The following GID4 variants were observed in gnomAD, a reference collection of about 807,000 sequenced individuals.
GID4 encodes the protein GID complex subunit 4 homolog, also known as glucose-induced degradation protein 4 homolog.
Under a neutral mutation model 32.4 loss-of-function variants are expected in GID4, and 7 were observed. The ratio of observed to expected loss-of-function variants is 0.22; its 90% confidence interval spans 0.12 to 0.41. The LOEUF is 0.41. GID4 is among the 10% of genes least tolerant of loss of function. The probability of loss-of-function intolerance (pLI) is 1.00; values close to 1 mark genes in which losing one functional copy is unlikely to be tolerated. For synonymous variants in GID4, 166 were observed against 170.0 expected, an observed-to-expected ratio of 0.98 and a Z score of 0.18; for missense variants, 309 against 400.0, an observed-to-expected ratio of 0.77 and a Z score of 1.94.
chr17:18,052,333 A>G (rs2044919074), intron 2 of GID4, among the ~76,000 whole-genome samples: 1 of 152,046 alleles, frequency 6.6e-6, no homozygotes, highest in Non-Finnish European at 1.5e-5. Flanking sequence ...AGCGGTGGTG[A>G]CGTTCTGTTT....
intron 2 of GID4, among the ~76,000 whole-genome samples, chr17:18,053,764 G>T (rs764106819): frequency 6.6e-6 from 1 of 152,170 alleles, no homozygotes; most frequent in Non-Finnish European, 1.5e-5. Flanking sequence ...GCCTCTTTGG[G>T]TCTAACCTTG....
At chr17:18,046,632 A>G (rs1410261115) in intron 2 of GID4, among the ~76,000 whole-genome samples, 1 of 150,850 alleles carries the variant, frequency 6.6e-6, no homozygotes, top group African/African-American at 2.4e-5. Flanking sequence ...AAAAAAAAAA[A>G]AAATTGGGGT....
At chr17:18,045,411 A>C (rs1467197439) in intron 2 of GID4, among the ~76,000 whole-genome samples, 1 of 152,220 alleles carries the variant, frequency 6.6e-6, no homozygotes, top group Non-Finnish European at 1.5e-5. Flanking sequence ...TGTTTTAAAG[A>C]AAAGTTTATA....
chr17:18,039,619 C>T lies in GID4; in HGVS notation c.155C>T (p.Pro52Leu). 1 of 1,293,754 alleles carries T rather than the reference C, an allele frequency of 7.7e-7. No homozygotes were observed. Among genetic ancestry groups the T allele is most frequent in the Non-Finnish European group, 9.8e-7 (1 of 1,024,128 alleles). 80.1% of individuals were successfully genotyped at this position (1,293,754 alleles called of 1,614,324 possible). ...CGCCCCCACCCCGCGCGTGCGCGCC[C>T]CGGCCTCTCCCTCCCCGCCACCCTC... is the stretch of plus-strand genomic sequence containing the variant. The part of the protein sequence containing the change: ...PSRPHPARAR[P>L]GLSLPATLLG... Residue 52 changes from proline to leucine, a missense_variant, in exon 1 of 6, where the codon CCC (proline) becomes CTC (leucine). This residue lies in a region of GID4 where 193 missense variants were observed against 185.8 expected (regional missense o/e 1.04). Transcript: ENST00000268719. The surrounding 1 kb of genome is among the most constrained non-coding windows in gnomAD (Gnocchi z 5.3).
intron 4 of GID4, among the ~76,000 whole-genome samples, chr17:18,059,754 C>T (rs2045002055): frequency 6.6e-6 from 1 of 152,066 alleles, no homozygotes; most frequent in Non-Finnish European, 1.5e-5. Context: ...ATTGAGTTGC[C>T]TTTCCTGGTC....
In GID4 at chr17:18,039,773, A is replaced by C. The variant is rs1173480355; in HGVS notation, c.309A>C (p.Ser103=). The C allele has an allele frequency of 4.4e-6, 7 of 1,573,170 alleles. No homozygotes were observed. Among genetic ancestry groups the C allele is most frequent in the Non-Finnish European group, 5.2e-6 (6 of 1,161,988 alleles). The change falls in exon 1 of 6, where the codon TCA becomes TCC. Residue 103 remains serine, a synonymous_variant. Transcript: ENST00000268719. The surrounding 1 kb of genome is among the most constrained non-coding windows in gnomAD (Gnocchi z 5.3). ...GTGCCTCCGCTGCCTCCGCGGCCTC[A>C]CTCATCCCGCCGCCGCCCATCAACA... ...PAGASAASAA[S]LIPPPPINTQ...
intron 5 of GID4, 92 bp from the exon 6 acceptor site, chr17:18,065,088 T>C: frequency 1.1e-6 from 1 of 876,060 alleles, no homozygotes; most frequent in African/African-American, 1.6e-5. Context: ...ATGTGACTTG[T>C]TGGGTGCTCT....
At chr17:18,047,231 A>G (rs894283489) in intron 2 of GID4, among the ~76,000 whole-genome samples, 2 of 152,230 alleles carry the variant, frequency 1.3e-5, no homozygotes, top group Admixed American at 6.5e-5. Context: ...ATAGCAAAAT[A>G]CAGGATTCCA....
At chr17:18,044,752 A>G (rs1398149591) in intron 1 of GID4, among the ~76,000 whole-genome samples, 2 of 152,234 alleles carry the variant, frequency 1.3e-5, no homozygotes, top group Non-Finnish European at 2.9e-5. Flanking sequence ...CATTAGAAAG[A>G]AAGTCAAGCC....
Position 18,039,441 on chromosome 17 carries a change from G to T in GID4, c.-24G>T. 1 of 1,373,046 alleles carries T rather than the reference G, an allele frequency of 7.3e-7. No individual in the cohort carries two copies. The highest frequency in any genetic ancestry group is 9.5e-7 in the Non-Finnish European group (1 of 1,057,308). 85.1% of individuals were successfully genotyped at this position (1,373,046 alleles called of 1,614,324 possible). On this transcript the variant is annotated 5_prime_UTR_variant, in exon 1 of 6. Transcript: ENST00000268719. The surrounding 1 kb of genome is among the most constrained non-coding windows in gnomAD (Gnocchi z 5.3). The stretch of plus-strand genomic sequence containing the variant: ...GTCTGTGTGTGTTTGTGTGTTGTGT[G>T]TCTGTGAGTGTCTGTGTGTGTGTAT...
intron 1 of GID4, among the ~76,000 whole-genome samples, chr17:18,043,898 G>T (rs2044825966): frequency 6.6e-6 from 1 of 152,164 alleles, no homozygotes; most frequent in Non-Finnish European, 1.5e-5. Flanking sequence ...GAATCCAATT[G>T]TCATGAAATC....
chr17:18,041,543 G>A (rs996670371), intron 1 of GID4, among the ~76,000 whole-genome samples: 1 of 152,018 alleles, frequency 6.6e-6, no homozygotes, highest in African/African-American at 2.4e-5. Context: ...ATAACTGTAT[G>A]CCTAATGTAG....
chr17:18,064,012 G>A (rs1419227924), intron 5 of GID4, among the ~76,000 whole-genome samples: 1 of 152,150 alleles, frequency 6.6e-6, no homozygotes, highest in Non-Finnish European at 1.5e-5. Context: ...CAAAGTGCTG[G>A]GATTATAGGT....
chr17:18,047,177 T>C (rs2044862591), intron 2 of GID4, among the ~76,000 whole-genome samples: 1 of 152,176 alleles, frequency 6.6e-6, no homozygotes, highest in Non-Finnish European at 1.5e-5. Flanking sequence ...AGGTATTTCT[T>C]CTTTAACTCG....
chr17:18,045,218 C>T lies in GID4; in HGVS notation c.498+12C>T, dbSNP rs1567584658. On this transcript the variant is annotated intron_variant, in intron 2 of 5. Coordinates refer to ENST00000268719, the MANE Select transcript of GID4 (RefSeq NM_024052.5). ...AAGGCCTTACTGAGGTAAGCACTTGCTCACACAAACCAGCACTAGAAAGTC... is the reference window on the plus strand; with the variant it reads ...AAGGCCTTACTGAGGTAAGCACTTGTTCACACAAACCAGCACTAGAAAGTC... The T allele has an allele frequency of 3.7e-6, 6 of 1,608,832 alleles. No homozygotes were observed. In the East Asian group the frequency reaches 1.1e-4, roughly 30 times the overall value.
At chr17:18,059,024 C>A in intron 4 of GID4, 55 bp downstream of exon 4, 1 of 978,168 alleles carries the variant, frequency 1.0e-6, no homozygotes, top group Non-Finnish European at 1.7e-6. Flanking sequence ...CCCTGTATCG[C>A]ACCTACATAT....
intron 2 of GID4, among the ~76,000 whole-genome samples, chr17:18,048,861 T>C (rs567302639): frequency 5.3e-5 from 8 of 151,692 alleles, no homozygotes; most frequent in African/African-American, 1.7e-4. Flanking sequence ...CAGGCTGGTC[T>C]TGAACTCCTG....
At chr17:18,044,039 C>T (rs1157413603) in intron 1 of GID4, among the ~76,000 whole-genome samples, 1 of 152,164 alleles carries the variant, frequency 6.6e-6, no homozygotes, top group Non-Finnish European at 1.5e-5. Context: ...TTCCATCTTT[C>T]TAACTACCAT....
At position 18,065,895 on chromosome 17, in the gene GID4, G is replaced by A. The variant is rs1037334601; in HGVS notation, c.*652G>A. 6.6e-6 allele frequency: 1 copy of A among 152,354 alleles called. No homozygotes were observed. The highest frequency in any genetic ancestry group is 2.4e-5 in the African/African-American group (1 of 41,460). The allele number at this position is 152,354 out of a possible 1,614,324, so 9.4% of individuals were successfully genotyped here. A position where few individuals can be genotyped will look rare whatever the true frequency, so the allele number is the denominator to read the frequency against. ...AGTGAGTAGCTGTCAGGTTCCCTGGGCCTGCCATCAGGGATCACTAAATTT... is the reference window on the plus strand; with the variant it reads ...AGTGAGTAGCTGTCAGGTTCCCTGGACCTGCCATCAGGGATCACTAAATTT... On this transcript the variant is annotated 3_prime_UTR_variant, in exon 6 of 6. Transcript: ENST00000268719.
Sources: gnomAD v4.1 joint callset for allele counts (sites outside exome capture counted in the v4.1 genomes callset) on GRCh38, gnomAD v4.1.1 for gene constraint, gnomAD v4.1.1 regional missense constraint, Gnocchi (gnomAD v3.1) non-coding constraint, MANE v1.5 for transcripts, NCBI Gene and HGNC (gene_info 2026-07-23, HGNC 2026-07-21) for gene names.